Variants in PRKN observed in about 807,000 individuals in gnomAD.
PRKN encodes parkin RBR E3 ubiquitin protein ligase, also known as E3 ubiquitin-protein ligase parkin.
In PRKN, 56 loss-of-function variants were observed where a neutral mutation model predicts 59.5. The ratio of observed to expected loss-of-function variants is 0.94; its 90% CI spans 0.76 to 1.18. The LOEUF (loss-of-function observed/expected upper bound fraction) is 1.18. Among genes scored for constraint, PRKN ranks in the 50% most tolerant of loss-of-function variants. The pLI is 0.00. For synonymous variants in PRKN, 250 were observed against 222.1 expected (o/e 1.13, Z -1.12); for missense variants, 657 against 596.4 (o/e 1.10, Z -1.06).
At chr6:161,358,303 A>G (rs1022614036) in intron 11 of PRKN, among the ~76,000 whole-genome samples, 1 of 152,140 alleles carries the variant, frequency 6.6e-6, no homozygotes, top group African/African-American at 2.4e-5. Flanking sequence ...AATTATTATT[A>G]AAAAACAAAA....
At chr6:162,490,162 C>A (rs1448468285) in intron 1 of PRKN, among the ~76,000 whole-genome samples, 2 of 152,130 alleles carry the variant, frequency 1.3e-5, no homozygotes, top group Non-Finnish European at 2.9e-5. Flanking sequence ...ACACTGCCTG[C>A]AGGAGCCTCT....
Position 161,526,487 on chromosome 6 carries a change from C to T in PRKN, c.1083+22367G>A, listed in dbSNP as rs1173334180. ...ATTGTCTTCTTTTTTGTTGTCCTGT[C>T]TTGCTAATTCTTTCTTGTTTACATG... is the stretch of plus-strand genomic sequence containing the variant. On this transcript the variant is annotated intron_variant, in intron 9 of 11. Coordinates refer to ENST00000366898, the MANE Select transcript of PRKN (RefSeq NM_004562.3). This position sits in a 1 kb window ranked among gnomAD's most constrained non-coding sequence, Gnocchi z 4.1. 6.6e-6 allele frequency among the ~76,000 whole-genome samples: 1 copy of T among 151,898 alleles called. No individual in the cohort carries two copies. Among genetic ancestry groups the T allele is most frequent in the African/African-American group, 2.4e-5 (1 of 41,414 alleles).
chr6:161,923,749 AAGG>A (rs1250659001), intron 6 of PRKN, among the ~76,000 whole-genome samples: 1 of 152,080 alleles, frequency 6.6e-6, no homozygotes, highest in Non-Finnish European at 1.5e-5. Context: ...AGTGCCTCCT[AAGG>A]AGGAGGACAC....
chr6:161,928,206 C>T (rs545882413), intron 6 of PRKN, among the ~76,000 whole-genome samples: 3 of 152,306 alleles, frequency 2.0e-5, no homozygotes, highest in African/African-American at 7.2e-5. Context: ...TTCCAGCCTT[C>T]AAAACTGTCA....
intron 5 of PRKN, among the ~76,000 whole-genome samples, chr6:162,028,507 G>C (rs944632742): frequency 2.0e-5 from 3 of 152,228 alleles, no homozygotes; most frequent in African/African-American, 7.2e-5. Flanking sequence ...GTGGAGGTGT[G>C]CGTGGAAACT....
chr6:162,210,472 G>T (rs1308089242), intron 3 of PRKN, among the ~76,000 whole-genome samples: 1 of 152,084 alleles, frequency 6.6e-6, no homozygotes, highest in East Asian at 1.9e-4. Flanking sequence ...ACTTCCTCAG[G>T]TGGCTACTTT....
chr6:162,083,856 G>A (rs1343358240), intron 4 of PRKN, among the ~76,000 whole-genome samples: 1 of 151,992 alleles, frequency 6.6e-6, no homozygotes, highest in African/African-American at 2.4e-5. Flanking sequence ...ACAGATATCT[G>A]TAACCCATAT....
chr6:161,690,067 T>C (rs1315859830), intron 7 of PRKN, among the ~76,000 whole-genome samples: 1 of 152,226 alleles, frequency 6.6e-6, no homozygotes, highest in Non-Finnish European at 1.5e-5. Flanking sequence ...ATTTTGCAGC[T>C]GAAGATGGAA....
intron 2 of PRKN, among the ~76,000 whole-genome samples, chr6:162,268,058 AAT>A (rs1219936855): frequency 3.9e-5 from 6 of 152,206 alleles, no homozygotes; most frequent in African/African-American, 1.4e-4. Flanking sequence ...GAGTTATGAA[AAT>A]AGTTATGTTA....
In PRKN at chr6:162,340,700, C is replaced by T. The variant is rs189462342; in HGVS notation, c.172-77935G>A. Among the ~76,000 whole-genome samples the T allele has an allele frequency of 1.3e-3, 198 of 152,202 alleles. 2 individuals carry two copies. The highest frequency in any genetic ancestry group is 4.3e-3 in the African/African-American group (180 of 41,548). ...GGGAAAGGATTCCCTATTTAATAAA[C>T]GGTGTTGGGAAAACTGGCTAGCCAT... On this transcript the variant is annotated intron_variant, in intron 2 of 11. Transcript: ENST00000366898.
chr6:162,133,712 T>C (rs536818887), intron 4 of PRKN, among the ~76,000 whole-genome samples: 4 of 152,280 alleles, frequency 2.6e-5, no homozygotes, highest in African/African-American at 9.6e-5. Flanking sequence ...GCTGGGAAGA[T>C]GAGGAAGAGT....
At chr6:161,416,342 C>T (rs1787849724) in intron 9 of PRKN, among the ~76,000 whole-genome samples, 1 of 152,070 alleles carries the variant, frequency 6.6e-6, no homozygotes, top group Admixed American at 6.6e-5. Context: ...GGTCTGTTTT[C>T]CCCCGAGGAG....
intron 9 of PRKN, among the ~76,000 whole-genome samples, chr6:161,539,619 GA>G (rs1779547382): frequency 6.6e-6 from 1 of 152,012 alleles, no homozygotes; most frequent in Admixed American, 6.5e-5. Context: ...GTTTAATTAA[GA>G]AAAAAAGTAA....
chr6:161,624,464 G>A (rs1477500515), intron 7 of PRKN, among the ~76,000 whole-genome samples: 1 of 152,218 alleles, frequency 6.6e-6, no homozygotes, highest in East Asian at 1.9e-4. Context: ...AAACTGGGGA[G>A]ATGCTCTCTC....
intron 1 of PRKN, among the ~76,000 whole-genome samples, chr6:162,604,259 G>A (rs1583890052): frequency 1.3e-5 from 2 of 152,274 alleles, no homozygotes; most frequent in South Asian, 4.1e-4. Context: ...ACTGAGCACC[G>A]TTTTAAAGGG....
intron 7 of PRKN, among the ~76,000 whole-genome samples, chr6:161,774,709 T>C (rs1789849112): frequency 6.6e-6 from 1 of 152,136 alleles, no homozygotes; most frequent in Admixed American, 6.5e-5. Context: ...GACCATGACA[T>C]GAAGGGAAAT....
chr6:161,515,906 T>G (rs1025034963), intron 9 of PRKN, among the ~76,000 whole-genome samples: 9 of 151,976 alleles, frequency 5.9e-5, no homozygotes, highest in African/African-American at 9.7e-5. Flanking sequence ...CTGAAAAAAA[T>G]TAATAACCTG....
chr6:162,417,250 C>T (rs1788675584), intron 2 of PRKN, among the ~76,000 whole-genome samples: 1 of 152,148 alleles, frequency 6.6e-6, no homozygotes, highest in Non-Finnish European at 1.5e-5. Flanking sequence ...CAAAAGGAAA[C>T]ATGCCAAATT....
At chr6:161,679,674 A>AAC (rs1554291983) in intron 7 of PRKN, among the ~76,000 whole-genome samples, 19 of 65,948 alleles carry the variant, frequency 2.9e-4, no homozygotes, top group African/African-American at 1.3e-3. Context: ...TAATAGAACC[A>AAC]CCCCCCCCCC....
Sources: gnomAD v4.1 joint callset for allele counts (sites outside exome capture counted in the v4.1 genomes callset) on GRCh38, gnomAD v4.1.1 for gene constraint, Gnocchi (gnomAD v3.1) non-coding constraint, MANE v1.5 for transcripts, NCBI Gene and HGNC (gene_info 2026-07-23, HGNC 2026-07-21) for gene names.